The following GPC6 variants were observed in gnomAD, a reference collection of about 807,000 sequenced individuals.
GPC6 encodes the protein glypican-6.
In GPC6, 14 loss-of-function variants were observed where a neutral mutation model predicts 55.2. The ratio of observed to expected loss-of-function variants is 0.25; its 90% confidence interval spans 0.17 to 0.40. GPC6 has a LOEUF of 0.40. Among genes scored for constraint, GPC6 ranks in the 10% least tolerant of loss-of-function variants. GPC6 has a pLI of 1.00. For synonymous variants in GPC6, 278 were observed against 259.6 expected, an observed-to-expected ratio of 1.07 and a Z score of -0.68; for missense variants, 641 against 708.5, an observed-to-expected ratio of 0.90 and a Z score of 1.08.
intron 1 of GPC6, among the ~76,000 whole-genome samples, chr13:93,543,597 T>A (rs1194262056): frequency 6.6e-6 from 1 of 152,188 alleles, no homozygotes; most frequent in Non-Finnish European, 1.5e-5. Flanking sequence ...TCAGAAGGAA[T>A]GGTACCAGTT....
At chr13:93,757,595 T>C (rs924305294) in intron 2 of GPC6, among the ~76,000 whole-genome samples, 7 of 152,180 alleles carry the variant, frequency 4.6e-5, no homozygotes, top group African/African-American at 1.7e-4. Context: ...TATCTGTGAG[T>C]CCTTTCAGAG....
At chr13:94,203,622 C>T (rs1889821045) in intron 4 of GPC6, among the ~76,000 whole-genome samples, 1 of 152,062 alleles carries the variant, frequency 6.6e-6, no homozygotes, top group African/African-American at 2.4e-5. Flanking sequence ...CCCTCCAACA[C>T]AGTATTAGAA....
intron 2 of GPC6, among the ~76,000 whole-genome samples, chr13:93,700,407 A>G (rs936729157): frequency 5.3e-5 from 8 of 152,000 alleles, no homozygotes; most frequent in Non-Finnish European, 7.4e-5. Flanking sequence ...GTGTAAACCT[A>G]CCCTGCTCCT....
intron 1 of GPC6, among the ~76,000 whole-genome samples, chr13:93,368,479 T>C (rs909954631): frequency 6.6e-6 from 1 of 151,680 alleles, no homozygotes; most frequent in African/African-American, 2.4e-5. Context: ...AAAAGCTTGG[T>C]TGTAAAAGGA....
chr13:94,384,887 C>T (rs1291139987), intron 7 of GPC6, among the ~76,000 whole-genome samples: 4 of 152,150 alleles, frequency 2.6e-5, no homozygotes, highest in African/African-American at 4.8e-5. Context: ...TTCAGTGGTT[C>T]TACAGCATTC....
At chr13:93,738,606 T>G (rs1249187346) in intron 2 of GPC6, among the ~76,000 whole-genome samples, 3 of 152,154 alleles carry the variant, frequency 2.0e-5, no homozygotes, top group African/African-American at 7.2e-5. Flanking sequence ...AACATTATAA[T>G]AGTCAACACT....
At chr13:93,604,377 T>A (rs772117840) in intron 2 of GPC6, among the ~76,000 whole-genome samples, 1 of 152,180 alleles carries the variant, frequency 6.6e-6, no homozygotes, top group Non-Finnish European at 1.5e-5. Context: ...GGGAATTCGA[T>A]GAGGAAGGCC....
chr13:93,495,556 G>A (rs1273330997), intron 1 of GPC6, among the ~76,000 whole-genome samples: 3 of 132,218 alleles, frequency 2.3e-5, no homozygotes, highest in Non-Finnish European at 3.2e-5. Context: ...GCTTTGTTCC[G>A]TTGCTGGTGA....
intron 1 of GPC6, among the ~76,000 whole-genome samples, chr13:93,480,821 C>T (rs990898672): frequency 1.3e-5 from 2 of 152,144 alleles, no homozygotes; most frequent in Non-Finnish European, 2.9e-5. Flanking sequence ...TGTGAACATG[C>T]CACTTTTTGT....
At chr13:93,890,639 A>G (rs1264629187) in intron 3 of GPC6, among the ~76,000 whole-genome samples, 3 of 151,780 alleles carry the variant, frequency 2.0e-5, no homozygotes, top group Non-Finnish European at 4.4e-5. Flanking sequence ...GATATACATC[A>G]GTAATTTGTA....
intron 1 of GPC6, among the ~76,000 whole-genome samples, chr13:93,446,914 A>G (rs183295826): frequency 2.0e-5 from 3 of 152,188 alleles, no homozygotes; most frequent in East Asian, 3.9e-4. Context: ...AGAATTTTTA[A>G]AAAAATCAAT....
At chr13:93,504,515 G>T (rs1880638322) in intron 1 of GPC6, among the ~76,000 whole-genome samples, 2 of 131,614 alleles carry the variant, frequency 1.5e-5, no homozygotes, top group Admixed American at 8.1e-5. Flanking sequence ...TTCCCTCACT[G>T]GATTGTAACT....
chr13:93,771,366 T>C (rs1367355519), intron 2 of GPC6, among the ~76,000 whole-genome samples: 1 of 152,152 alleles, frequency 6.6e-6, no homozygotes, highest in Non-Finnish European at 1.5e-5. Context: ...GTTTGTCTCA[T>C]TTTCACTCCG....
chr13:93,423,041 G>C (rs1178796010), intron 1 of GPC6, among the ~76,000 whole-genome samples: 1 of 129,598 alleles, frequency 7.7e-6, no homozygotes, highest in Non-Finnish European at 1.9e-5. Flanking sequence ...AACAGACATG[G>C]TGGTCACACC....
chr13:93,425,361 C>A (rs1327666581), intron 1 of GPC6, among the ~76,000 whole-genome samples: 1 of 152,092 alleles, frequency 6.6e-6, no homozygotes, highest in South Asian at 2.1e-4. Flanking sequence ...TACTTCCTAT[C>A]AATTCTAAAA....
chr13:93,881,835 G>C (rs1334994027), intron 3 of GPC6, among the ~76,000 whole-genome samples: 1 of 152,072 alleles, frequency 6.6e-6, no homozygotes, highest in Non-Finnish European at 1.5e-5. Flanking sequence ...TTCTCTGACA[G>C]GGAGAAACCT....
chr13:93,649,911 A>G (rs1880334398), intron 2 of GPC6, among the ~76,000 whole-genome samples: 2 of 152,200 alleles, frequency 1.3e-5, no homozygotes, highest in South Asian at 4.1e-4. Flanking sequence ...GTTCAGAACT[A>G]CATATAGTTC....
chr13:93,241,510 G>A (rs1010157709), intron 1 of GPC6, among the ~76,000 whole-genome samples: 3 of 151,906 alleles, frequency 2.0e-5, no homozygotes, highest in Admixed American at 6.6e-5. Context: ...GTTTTGTTTT[G>A]ATTTTTTGAT....
chr13:93,519,212 A>G (rs1881315733), intron 1 of GPC6, among the ~76,000 whole-genome samples: 1 of 152,070 alleles, frequency 6.6e-6, no homozygotes, highest in South Asian at 2.1e-4. Context: ...TTCTACATTC[A>G]AACTGACCAT....
Sources: allele counts gnomAD v4.1 joint callset (sites outside exome capture counted in the v4.1 genomes callset), GRCh38; gene constraint gnomAD v4.1.1; transcripts MANE v1.5; gene names NCBI Gene and HGNC (gene_info 2026-07-23, HGNC 2026-07-21).